COPS4: variants seen among roughly 807,000 people sequenced by gnomAD.
COPS4 encodes COP9 signalosome complex subunit 4.
Under a neutral mutation model 55.1 loss-of-function variants are expected in COPS4, and 8 were observed. That is an observed-to-expected ratio of 0.15 (90% CI 0.09 to 0.26). The LOEUF (loss-of-function observed/expected upper bound fraction) is 0.26, where lower values mean the gene tolerates loss of function less well. Among genes scored for constraint, COPS4 ranks in the 10% least tolerant of loss-of-function variants. COPS4 has a pLI of 1.00. For synonymous variants in COPS4, 185 were observed against 165.7 expected, an observed-to-expected ratio of 1.12 and a Z score of -0.90; for missense variants, 248 against 484.0, an observed-to-expected ratio of 0.51 and a Z score of 4.58.
rs765668530 is a variant in COPS4 at position 83,057,366 on chromosome 4, G to A, written c.673G>A (p.Ala225Thr). Residue 225 changes from alanine (A) to threonine (T), a missense_variant, in exon 6 of 10, where the codon GCC (alanine) becomes ACC (threonine). Ala to Thr is a moderately conservative substitution (Grantham distance 58). Coordinates refer to ENST00000264389, the MANE Select transcript of COPS4 (RefSeq NM_016129.3). ...TIVHESERLE[A>T]LKHALHCTIL... ...AGTCCACGAAAGTGAAAGACTAGAG[G>A]CCTTAAAACATGCTTTGCACTGTAC... The A allele has an allele frequency of 6.2e-7, 1 of 1,613,002 alleles. No individual in the cohort carries two copies. The highest frequency in any genetic ancestry group is 8.5e-7 in the Non-Finnish European group (1 of 1,179,658).
At chr4:83,059,800 C>CAA (rs1470148452) in intron 6 of COPS4, among the ~76,000 whole-genome samples, 2 of 82,546 alleles carry the variant, frequency 2.4e-5, no homozygotes, top group East Asian at 6.8e-4. Flanking sequence ...AGGTTCATGC[C>CAA]ATTCTCCCGC....
intron 2 of COPS4, among the ~76,000 whole-genome samples, chr4:83,048,715 C>A (rs369293333): frequency 6.6e-6 from 1 of 152,110 alleles, no homozygotes; most frequent in Admixed American, 6.5e-5. Context: ...GATCTCGGCT[C>A]ACTGCAACCC....
chr4:83,061,486 C>T (rs1417601279), intron 6 of COPS4, among the ~76,000 whole-genome samples: 1 of 152,094 alleles, frequency 6.6e-6, no homozygotes, highest in East Asian at 1.9e-4. Flanking sequence ...ATCATTATGG[C>T]TATGTGTATT....
chr4:83,044,552 C>T (rs1283054315), intron 1 of COPS4, among the ~76,000 whole-genome samples: 2 of 151,490 alleles, frequency 1.3e-5, no homozygotes, highest in Non-Finnish European at 2.9e-5. Context: ...CTGAGGTGGG[C>T]GGATCATGAG....
intron 3 of COPS4, among the ~76,000 whole-genome samples, 161 bp from the exon 4 acceptor site, chr4:83,049,720 A>G (rs148127219): frequency 4.3e-4 from 66 of 152,326 alleles, no homozygotes; most frequent in African/African-American, 1.5e-3. Context: ...TATTCTGTAA[A>G]TGCAAAATTC....
At chr4:83,035,369 T>G (rs1190341771) in intron 1 of COPS4, 71 bp downstream of exon 1, 35 of 1,278,624 alleles carry the variant, frequency 2.7e-5, no homozygotes, top group Non-Finnish European at 3.7e-5. Flanking sequence ...CTCCTTAGGT[T>G]GGCCACGGCT....
chr4:83,068,969 CAAA>C (rs5859859), intron 9 of COPS4, among the ~76,000 whole-genome samples: 14 of 129,380 alleles, frequency 1.1e-4, no homozygotes, highest in Middle Eastern at 3.8e-3. Context: ...GACTCTGTCT[CAAA>C]AAAAAAAAAA....
At chr4:83,071,576 C>T (rs969981975) in intron 9 of COPS4, among the ~76,000 whole-genome samples, 5 of 152,188 alleles carry the variant, frequency 3.3e-5, no homozygotes, top group Non-Finnish European at 5.9e-5. Flanking sequence ...GTGTACACAC[C>T]GCACCTGGCT....
chr4:83,049,747 G>A (rs1438716863), intron 3 of COPS4, 134 bp from the exon 4 acceptor site: 6 of 581,254 alleles, frequency 1.0e-5, no homozygotes, highest in Non-Finnish European at 1.8e-5. Flanking sequence ...AAACTTGGGT[G>A]GTCTTGATAA....
At chr4:83,057,188 G>C (rs1731034963) in intron 5 of COPS4, 70 bp from the exon 6 acceptor site, 3 of 1,503,388 alleles carry the variant, frequency 2.0e-6, no homozygotes, top group Non-Finnish European at 2.7e-6. Context: ...TTGTTTCTCT[G>C]TTTTGTTTTG....
chr4:83,042,676 C>T (rs1287473058), intron 1 of COPS4, among the ~76,000 whole-genome samples: 2 of 152,062 alleles, frequency 1.3e-5, no homozygotes, highest in Admixed American at 1.3e-4. Context: ...GATCTCAGCT[C>T]ACTGCAACCT....
intron 6 of COPS4, among the ~76,000 whole-genome samples, chr4:83,060,921 C>T (rs1731150325): frequency 6.6e-6 from 1 of 151,516 alleles, no homozygotes; most frequent in Non-Finnish European, 1.5e-5. Flanking sequence ...GTAATCCTAG[C>T]TACTTGGGAG....
At chr4:83,069,304 C>A (rs894875664) in intron 9 of COPS4, among the ~76,000 whole-genome samples, 3 of 152,204 alleles carry the variant, frequency 2.0e-5, no homozygotes, top group Admixed American at 6.5e-5. Flanking sequence ...ATATCTCACT[C>A]TGGCCATAAC....
At chr4:83,043,730 A>G (rs1203847423) in intron 1 of COPS4, among the ~76,000 whole-genome samples, 15 of 152,180 alleles carry the variant, frequency 9.9e-5, no homozygotes, top group Admixed American at 8.5e-4. Context: ...CATTGAATGT[A>G]TAACTTATCT....
At chr4:83,050,563 G>C (rs1296781364) in intron 4 of COPS4, among the ~76,000 whole-genome samples, 2 of 152,158 alleles carry the variant, frequency 1.3e-5, no homozygotes, top group Non-Finnish European at 2.9e-5. Context: ...ACCTACTTCA[G>C]CCTCTCTAAG....
At chr4:83,054,929 T>G (rs1730979513) in intron 4 of COPS4, among the ~76,000 whole-genome samples, 1 of 152,236 alleles carries the variant, frequency 6.6e-6, no homozygotes, top group Non-Finnish European at 1.5e-5. Context: ...TAGTTACACT[T>G]GGCAAAAAAT....
chr4:83,046,795 A>G (rs1730731071), intron 2 of COPS4, among the ~76,000 whole-genome samples: 1 of 152,224 alleles, frequency 6.6e-6, no homozygotes, highest in African/African-American at 2.4e-5. Context: ...ACCTGTGACT[A>G]GAACGTATAG....
intron 8 of COPS4, among the ~76,000 whole-genome samples, chr4:83,066,754 G>A (rs1313272581): frequency 1.3e-5 from 2 of 152,112 alleles, no homozygotes; most frequent in African/African-American, 2.4e-5. Flanking sequence ...GTTTATTAGT[G>A]GAATTGTCTT....
At chr4:83,039,102 T>G (rs1000340520) in intron 1 of COPS4, among the ~76,000 whole-genome samples, 1 of 152,198 alleles carries the variant, frequency 6.6e-6, no homozygotes, top group African/African-American at 2.4e-5. Flanking sequence ...TAGCTTATAA[T>G]TCTGTAGGTT....
Sources: gnomAD v4.1 joint callset for allele counts (sites outside exome capture counted in the v4.1 genomes callset) on GRCh38, gnomAD v4.1.1 for gene constraint, MANE v1.5 for transcripts, NCBI Gene and HGNC (gene_info 2026-07-23, HGNC 2026-07-21) for gene names.